The following PHC1 variants were observed in gnomAD, a reference collection of about 807,000 sequenced individuals.
PHC1 encodes the protein polyhomeotic-like protein 1.
A neutral mutation model predicts 104.3 loss-of-function variants in PHC1; 12 were observed. The ratio of observed to expected loss-of-function variants is 0.12; its 90% CI spans 0.07 to 0.19. The LOEUF (loss-of-function observed/expected upper bound fraction) is 0.19, where lower values mean the gene tolerates loss of function less well. PHC1 is among the 10% of genes least tolerant of loss of function. The pLI is 1.00. For missense variants in PHC1, 671 were observed against 1,200.0 expected, an observed-to-expected ratio of 0.56 and a Z score of 6.51; for synonymous variants, 302 against 455.8, an observed-to-expected ratio of 0.66 and a Z score of 4.30.
intron 3 of PHC1, among the ~76,000 whole-genome samples, chr12:8,920,594 G>C (rs1945333874): frequency 6.6e-6 from 1 of 152,218 alleles, no homozygotes; most frequent in Admixed American, 6.5e-5. Flanking sequence ...TGTGATCCTA[G>C]CTACTCTGGA....
intron 9 of PHC1, 95 bp downstream of exon 9, chr12:8,934,107 G>T (rs1440761043): frequency 6.2e-6 from 9 of 1,449,868 alleles, no homozygotes; most frequent in Non-Finnish European, 6.7e-6. Context: ...TAGAAAATGG[G>T]CCAGAAGTTG....
intron 6 of PHC1, among the ~76,000 whole-genome samples, chr12:8,923,409 G>C (rs769219533): frequency 6.6e-6 from 1 of 152,198 alleles, no homozygotes; most frequent in Non-Finnish European, 1.5e-5. Flanking sequence ...TTATTTATCA[G>C]TAAGCTGGTA....
At chr12:8,934,034 C>T in intron 9 of PHC1, 22 bp downstream of exon 9, 2 of 1,612,578 alleles carry the variant, frequency 1.2e-6, no homozygotes, top group Non-Finnish European at 1.7e-6. Flanking sequence ...ACTTCTAATG[C>T]TGTTGGAGAG....
At position 8,940,530 on chromosome 12, in the gene PHC1, T is replaced by C. The variant is rs1592219206; in HGVS notation, c.*1071T>C. 8.3e-6 allele frequency: 1 copy of C among 119,976 alleles called. No homozygotes were observed. The highest frequency in any genetic ancestry group is 3.2e-5 in the African/African-American group (1 of 31,002). 7.4% of individuals were successfully genotyped at this position (119,976 alleles called of 1,614,324 possible). ...AGAAAGAAAAAAATCACTCCAATAG[T>C]ATTGAAAAGTCCAAAGATGAAATAG... On this transcript the variant is annotated 3_prime_UTR_variant, in exon 15 of 15. Transcript: ENST00000544916.
In PHC1 at chr12:8,936,957, G is replaced by T. The variant is rs147628318; in HGVS notation, c.2470G>T (p.Ala824Ser). The stretch of plus-strand genomic sequence containing the variant: ...TAAGAGGTTCTGCTCCATGACTTGC[G>T]CTAAGAGGTACTCTGGGCACCCTCC... ...GSKRFCSMTC[A>S]KRYNVSCSHQ... Residue 824 changes from alanine to serine, a missense_variant, in exon 12 of 15, where the codon GCT becomes TCT. Transcript: ENST00000544916. 6.2e-7 allele frequency: 1 copy of T among 1,606,726 alleles called. No individual in the cohort carries two copies. Among genetic ancestry groups the T allele is most frequent in the East Asian group, 2.2e-5 (1 of 44,824 alleles).
At chr12:8,931,053 G>C (rs1369090790) in intron 7 of PHC1, 126 bp downstream of exon 7, 5 of 895,408 alleles carry the variant, frequency 5.6e-6, no homozygotes, top group Non-Finnish European at 8.3e-6. Flanking sequence ...CTTGAATAGT[G>C]GAAGGAATGG....
chr12:8,917,122 A>G (rs1945225683), intron 1 of PHC1, among the ~76,000 whole-genome samples: 1 of 152,238 alleles, frequency 6.6e-6, no homozygotes, highest in Admixed American at 6.5e-5. Flanking sequence ...TAGAATGAGG[A>G]TAACAGTGTT....
intron 7 of PHC1, among the ~76,000 whole-genome samples, chr12:8,931,158 C>T (rs1302137150): frequency 1.3e-5 from 2 of 152,174 alleles, no homozygotes; most frequent in East Asian, 1.9e-4. Context: ...AGTCAGCTTA[C>T]AAGTTCCCCT....
chr12:8,931,714 C>T (rs958875962), intron 7 of PHC1, among the ~76,000 whole-genome samples: 5 of 152,124 alleles, frequency 3.3e-5, no homozygotes, highest in African/African-American at 1.2e-4. Flanking sequence ...TACTTGCTTT[C>T]AGACTGCGGG....
chr12:8,919,828 A>G lies in PHC1; in HGVS notation c.187A>G (p.Ser63Gly). The part of the protein sequence containing the change: ...FHQFMLQQQL[S>G]NAQLHSLAAV... ...CCAGTTCATGCTCCAGCAGCAGCTC[A>G]GTAATGCCCAGCTGCATAGCCTGGC... The change falls in exon 3 of 15, where the codon AGT (serine) becomes GGT (glycine). Residue 63 changes from serine to glycine, a missense_variant. By Grantham distance (56) the Ser-to-Gly change is moderately conservative. This residue lies in a region of PHC1 where 237 missense variants were observed against 331.1 expected (regional missense o/e 0.72). Transcript: ENST00000544916. This position sits in a 1 kb window ranked among gnomAD's most constrained non-coding sequence, Gnocchi z 4.9. 1 of 1,609,188 alleles carries G rather than the reference A, an allele frequency of 6.2e-7. No homozygotes were observed. The highest frequency in any genetic ancestry group is 8.5e-7 in the Non-Finnish European group (1 of 1,177,652).
chr12:8,933,892 C>T lies in PHC1; in HGVS notation c.1921C>T (p.Arg641Cys), dbSNP rs143469762. ...PGKPQTLAVK[R>C]KADSEEERDD... ...TAAACCCCAGACATTGGCTGTCAAA[C>T]GCAAGGCTGACTCTGAGGAGGAGAG... is the stretch of plus-strand genomic sequence containing the variant. Residue 641 changes from arginine (R) to cysteine (C), a missense_variant, in exon 9 of 15, where the codon CGC becomes TGC. Transcript: ENST00000544916. The T allele has an allele frequency of 1.4e-5, 23 of 1,613,206 alleles. No individual in the cohort carries two copies. Among genetic ancestry groups the T allele is most frequent in the Admixed American group, 1.2e-4 (7 of 60,006 alleles).
At chr12:8,916,454 G>T (rs917368789) in intron 1 of PHC1, among the ~76,000 whole-genome samples, 2 of 151,964 alleles carry the variant, frequency 1.3e-5, no homozygotes, top group Non-Finnish European at 2.9e-5. Context: ...TATTTCTAGT[G>T]GCCCAGTGCC....
intron 7 of PHC1, 22 bp downstream of exon 7, chr12:8,930,949 C>T: frequency 6.3e-7 from 1 of 1,579,230 alleles, no homozygotes; most frequent in Non-Finnish European, 8.6e-7. Context: ...TTCCTCATGT[C>T]ATTATTCTCT....
Position 8,915,460 on chromosome 12 carries a change from A to G in PHC1, c.-49+633A>G, listed in dbSNP as rs998534197. 2.7e-5 allele frequency among the ~76,000 whole-genome samples: 4 copies of G among 150,852 alleles called. No individual in the cohort carries two copies. The South Asian group carries it at 8.4e-4, about 32-fold the overall frequency. On this transcript the variant is annotated intron_variant, in intron 1 of 14. Coordinates refer to ENST00000544916, the MANE Select transcript of PHC1 (RefSeq NM_004426.3). ...CATGATAAGAGTTTCGTGCTTAGGGATATTGACTTTCTCCAACTCTCGGCC... is the reference window on the plus strand; with the variant it reads ...CATGATAAGAGTTTCGTGCTTAGGGGTATTGACTTTCTCCAACTCTCGGCC...
intron 13 of PHC1, 133 bp from the exon 14 acceptor site, chr12:8,937,696 A>C: frequency 1.5e-6 from 1 of 669,666 alleles, no homozygotes; most frequent in African/African-American, 1.8e-5. Flanking sequence ...GGAATTTGCA[A>C]ATAAAGTGCT....
chr12:8,939,735 T>C lies in PHC1; in HGVS notation c.*276T>C. The C allele has an allele frequency of 1.1e-5, 5 of 473,608 alleles. No homozygotes were observed. Among genetic ancestry groups the C allele is most frequent in the South Asian group, 6.7e-5 (4 of 59,590 alleles). The allele number at this position is 473,608 out of a possible 1,614,324, so 29.3% of individuals were successfully genotyped here. On this transcript the variant is annotated 3_prime_UTR_variant, in exon 15 of 15. Transcript: ENST00000544916. ...AATCCAATCTTTATAAAAGAGGCAG[T>C]CTAGAGAACTAGGACTGCTCAGCCT... is the stretch of plus-strand genomic sequence containing the variant.
chr12:8,929,501 AT>A (rs60280013), intron 6 of PHC1, among the ~76,000 whole-genome samples: 2,578 of 150,518 alleles, frequency 0.017, 73 homozygotes, highest in African/African-American at 0.058. Flanking sequence ...GAAATTATAC[AT>A]TTTTTTTAAT....
intron 3 of PHC1, 69 bp from the exon 4 acceptor site, chr12:8,920,916 T>C: frequency 3.0e-6 from 3 of 1,016,594 alleles, no homozygotes; most frequent in South Asian, 2.9e-5. Context: ...TTGTGATTTA[T>C]TACTAGAAGA....
chr12:8,931,561 G>A (rs781454804), intron 7 of PHC1, among the ~76,000 whole-genome samples: 64 of 152,292 alleles, frequency 4.2e-4, no homozygotes, highest in Admixed American at 7.2e-4. Flanking sequence ...TTAGCCGGGC[G>A]TAGTGGTTTA....
Sources: gnomAD v4.1 joint callset for allele counts (sites outside exome capture counted in the v4.1 genomes callset) on GRCh38, gnomAD v4.1.1 for gene constraint, gnomAD v4.1.1 regional missense constraint, Gnocchi (gnomAD v3.1) non-coding constraint, MANE v1.5 for transcripts, NCBI Gene and HGNC (gene_info 2026-07-23, HGNC 2026-07-21) for gene names.